The following VBP1 variants were observed in gnomAD, a reference collection of about 807,000 sequenced individuals.
The protein encoded by VBP1 is prefoldin subunit 3.
VBP1 carries 4 observed loss-of-function variants against 15.5 expected under a neutral mutation model. That is an observed-to-expected ratio of 0.26 (90% CI 0.13 to 0.59). The LOEUF (loss-of-function observed/expected upper bound fraction) is 0.59. Among genes scored for constraint, VBP1 ranks in the 20% least tolerant of loss-of-function variants. The pLI, the probability that VBP1 is intolerant of heterozygous loss-of-function variation, is 0.90. For missense variants in VBP1, 108 were observed against 139.6 expected, an observed-to-expected ratio of 0.77 and a Z score of 1.14; for synonymous variants, 61 against 52.1, an observed-to-expected ratio of 1.17 and a Z score of -0.74.
chrX:155,223,342 G>GCCGCCTT (rs1423203517), intron 2 of VBP1, among the ~76,000 whole-genome samples: 2 of 108,044 alleles, frequency 1.9e-5, no homozygotes, highest in African/African-American at 6.8e-5. Context: ...AGAGGGCCCT[G>GCCGCCTT]CCGCCTTCCG....
chrX:155,212,252 T>C (rs1261438087), upstream of VBP1, among the ~76,000 whole-genome samples: 1 of 112,086 alleles, frequency 8.9e-6, no homozygotes, highest in East Asian at 2.8e-4. Flanking sequence ...TCATGTATCC[T>C]AAGGAGTCCG....
chrX:155,200,360 T>C (rs1557307270), intron 1 of VBP1, among the ~76,000 whole-genome samples: 1 of 106,070 alleles, frequency 9.4e-6, no homozygotes, highest in Non-Finnish European at 1.9e-5. Flanking sequence ...TAGTTGGAAG[T>C]AAAGCTCTCC....
At chrX:155,219,803 A>G (rs967573351) in intron 1 of VBP1, among the ~76,000 whole-genome samples, 9 of 111,080 alleles carry the variant, frequency 8.1e-5, no homozygotes, top group Non-Finnish European at 1.5e-4. Context: ...CTAACTTTTT[A>G]TAACTACAGG....
chrX:155,200,386 C>G (rs1281580836), intron 1 of VBP1, among the ~76,000 whole-genome samples: 108 of 107,849 alleles, frequency 1.0e-3, no homozygotes, highest in Non-Finnish European at 1.4e-3. Flanking sequence ...AAATGTAAAA[C>G]AACAGAAATT....
intron 1 of VBP1, among the ~76,000 whole-genome samples, chrX:155,202,630 C>T (rs1483790229): frequency 1.2e-4 from 13 of 107,034 alleles, no homozygotes; most frequent in African/African-American, 1.7e-4. Flanking sequence ...AAGACTTAAA[C>T]GTTAGACCTA....
At chrX:155,221,374 A>G (rs1287042378) in intron 2 of VBP1, among the ~76,000 whole-genome samples, 1 of 110,526 alleles carries the variant, frequency 9.0e-6, no homozygotes, top group East Asian at 2.8e-4. Context: ...GGTGGCATGC[A>G]TCTGTGGTCA....
intron 4 of VBP1, among the ~76,000 whole-genome samples, chrX:155,231,625 T>G (rs2074746974): frequency 8.9e-6 from 1 of 112,564 alleles, no homozygotes. Context: ...AGGCTACTGC[T>G]CCATCCCCAG....
intron 1 of VBP1, among the ~76,000 whole-genome samples, chrX:155,206,426 G>T (rs1183658143): frequency 9.1e-6 from 1 of 110,351 alleles, no homozygotes; most frequent in Non-Finnish European, 1.9e-5. Flanking sequence ...AGTAGAGATG[G>T]GGTTTCACCG....
upstream of VBP1, among the ~76,000 whole-genome samples, chrX:155,215,465 C>T (rs1269105957): frequency 8.9e-6 from 1 of 112,098 alleles, no homozygotes; most frequent in African/African-American, 3.3e-5. Context: ...TTTGGAGGAG[C>T]TGTACAGGTT....
chrX:155,214,585 T>C (rs1569560895), upstream of VBP1, among the ~76,000 whole-genome samples: 1 of 111,620 alleles, frequency 9.0e-6, no homozygotes, highest in Non-Finnish European at 1.9e-5. Context: ...GTTTCAAAAG[T>C]GTCCATGGTG....
chrX:155,229,850 C>G (rs1358316997), intron 4 of VBP1, among the ~76,000 whole-genome samples: 1 of 111,806 alleles, frequency 8.9e-6, no homozygotes, highest in African/African-American at 3.3e-5. Flanking sequence ...TCTTCTTTGA[C>G]TCTTCTTTAT....
chrX:155,199,137 G>A (rs1557307060), intron 1 of VBP1, among the ~76,000 whole-genome samples: 2 of 111,740 alleles, frequency 1.8e-5, no homozygotes, highest in Non-Finnish European at 3.8e-5. Context: ...ACTGATTGGT[G>A]TACCTGAAAG....
chrX:155,218,733 G>A (rs782239940), intron 1 of VBP1, among the ~76,000 whole-genome samples: 1 of 111,517 alleles, frequency 9.0e-6, no homozygotes, highest in South Asian at 3.7e-4. Flanking sequence ...TCTTATAAGC[G>A]TTTCACATAT....
intron 2 of VBP1, among the ~76,000 whole-genome samples, chrX:155,222,300 G>A (rs955416770): frequency 3.1e-4 from 35 of 111,402 alleles, no homozygotes; most frequent in African/African-American, 1.3e-4. Flanking sequence ...TGTGGGCAAC[G>A]TGGCAAAACC....
rs202157365 is a variant in VBP1 at position 155,223,110 on chromosome X, C to CT, written c.218+2808dup. 1.5e-3 allele frequency among the ~76,000 whole-genome samples: 105 copies of CT among 70,781 alleles called. 4 individuals are homozygous for CT. The highest frequency in any genetic ancestry group is 3.2e-3 in the African/African-American group (52 of 16,085). 61.5% of individuals were successfully genotyped at this position (70,781 alleles called of 115,157 possible). ...GGCTCTATGTAGTTTACATGCTAGC[C>CT]TTTTTGTTTTTTTTTTTTTTCAATT... On this transcript the variant is annotated intron_variant, in intron 2 of 5. Coordinates refer to ENST00000286428, the MANE Select transcript of VBP1 (RefSeq NM_003372.7).
intron 1 of VBP1, among the ~76,000 whole-genome samples, chrX:155,203,080 G>C (rs1269984323): frequency 1.3e-4 from 15 of 112,045 alleles, no homozygotes; most frequent in African/African-American, 4.6e-4. Context: ...ACACCAGTTA[G>C]AATGGCGATC....
intron 2 of VBP1, among the ~76,000 whole-genome samples, chrX:155,210,347 G>A (rs1170238036): frequency 8.9e-6 from 1 of 111,761 alleles, no homozygotes; most frequent in Non-Finnish European, 1.9e-5. Context: ...CTAGCCACTC[G>A]GGAGGCTGAG....
At chrX:155,208,803 T>C (rs1435577050) in intron 1 of VBP1, 3 of 632,409 alleles carry the variant, frequency 4.7e-6, no homozygotes, top group Non-Finnish European at 7.2e-6. Context: ...GTTCTCATGG[T>C]ACTATTGTAT....
At chrX:155,216,343 G>T (rs2074662609), upstream of VBP1, 4 of 1,099,125 alleles carry the variant, frequency 3.6e-6, no homozygotes, top group Non-Finnish European at 4.8e-6. Flanking sequence ...AAAGGAGAAC[G>T]GGGACTTGTG....
Sources: allele counts gnomAD v4.1 joint callset (sites outside exome capture counted in the v4.1 genomes callset), GRCh38; gene constraint gnomAD v4.1.1; transcripts MANE v1.5; gene names NCBI Gene and HGNC (gene_info 2026-07-23, HGNC 2026-07-21).